Variants in RANGAP1 observed in about 807,000 individuals in gnomAD.
RANGAP1 encodes ran GTPase-activating protein 1.
Under a neutral mutation model 63.5 loss-of-function variants are expected in RANGAP1, and 38 were observed. The ratio of observed to expected loss-of-function variants is 0.60; its 90% CI spans 0.46 to 0.78. The LOEUF is 0.78. RANGAP1 is among the 30% of genes least tolerant of loss of function. RANGAP1 has a pLI of 0.00. For synonymous variants in RANGAP1, 329 were observed against 310.5 expected, an observed-to-expected ratio of 1.06 and a Z score of -0.63; for missense variants, 630 against 740.3, an observed-to-expected ratio of 0.85 and a Z score of 1.73.
At chr22:41,287,370 CGTTTTTTTTTT>C (rs917383577), upstream of RANGAP1, among the ~76,000 whole-genome samples, 5 of 79,478 alleles carry the variant, frequency 6.3e-5, no homozygotes, top group Admixed American at 2.8e-4. Flanking sequence ...ACACAAACAG[CGTTTTTTTTTT>C]GTTTTTTTTT....
upstream of RANGAP1, chr22:41,286,312 T>C (rs1601738502): frequency 6.6e-6 from 1 of 152,282 alleles, no homozygotes; most frequent in Non-Finnish European, 1.5e-5. Flanking sequence ...AGTAGTCCGG[T>C]TCCCCATCTG....
At chr22:41,269,102 T>C (rs933211439) in intron 3 of RANGAP1, among the ~76,000 whole-genome samples, 2 of 152,302 alleles carry the variant, frequency 1.3e-5, no homozygotes, top group Admixed American at 6.5e-5. Flanking sequence ...TTTTAAGAGA[T>C]AGGTTCTCAC....
chr22:41,290,923 G>A (rs1002368141), upstream of RANGAP1, among the ~76,000 whole-genome samples: 2 of 152,224 alleles, frequency 1.3e-5, no homozygotes, highest in African/African-American at 2.4e-5. Flanking sequence ...CTCGCCTGCA[G>A]CCCCTGGAGA....
In RANGAP1 at chr22:41,246,147, G is replaced by A. The variant is rs1371354172; in HGVS notation, c.*456C>T. ...GGCTTGGTGACGAGAAGCAGCCCCA[G>A]GCAGGGCAGGAAACAACCCAATCAC... On this transcript the variant is annotated 3_prime_UTR_variant, in exon 16 of 16. Transcript: ENST00000356244. The A allele has an allele frequency of 5.8e-6, 1 of 173,674 alleles. No homozygotes were observed. The highest frequency in any genetic ancestry group is 5.7e-5 in the Admixed American group (1 of 17,488). The allele number at this position is 173,674 out of a possible 1,614,324, so 10.8% of individuals were successfully genotyped here.
At chr22:41,284,153 A>G (rs1165793840) in intron 1 of RANGAP1, among the ~76,000 whole-genome samples, 1 of 152,094 alleles carries the variant, frequency 6.6e-6, no homozygotes, top group East Asian at 1.9e-4. Flanking sequence ...AGGCTGAGGC[A>G]AGAGAATGGC....
chr22:41,253,275 T>C (rs1489464463), intron 11 of RANGAP1, among the ~76,000 whole-genome samples: 2 of 152,168 alleles, frequency 1.3e-5, no homozygotes, highest in Non-Finnish European at 2.9e-5. Flanking sequence ...CGTCATGACA[T>C]GCAGTGCCCC....
chr22:41,293,123 T>C, the RANGAP1 span, among the ~76,000 whole-genome samples: 4 of 150,658 alleles, frequency 2.7e-5, no homozygotes, highest in Non-Finnish European at 5.9e-5. Flanking sequence ...TAGTCCCAGC[T>C]ACTTGGGAGG....
rs565495075 is a variant in RANGAP1, at chr22:41,254,436, C to T, written c.1132G>A (p.Glu378Lys). Residue 378 changes from glutamate (E) to lysine (K), a missense_variant, in exon 11 of 16, where the codon GAA (glutamate) becomes AAA (lysine). Physicochemically the swap from Glu to Lys is moderately conservative, Grantham distance 56. Transcript: ENST00000356244. ...EGEEEEEEAE[E>K]EEEEDEEEEE... ...TCTTCCTCATCTTCCTCCTCCTCTT[C>T]TTCTGCTTCCTCTTCTTCCTCTTCT... 3.7e-6 allele frequency: 6 copies of T among 1,612,204 alleles called. No homozygotes were observed. In the East Asian group the frequency reaches 1.3e-4, roughly 36 times the overall value.
At chr22:41,278,074 T>C (rs980676306) in intron 2 of RANGAP1, among the ~76,000 whole-genome samples, 3 of 150,372 alleles carry the variant, frequency 2.0e-5, no homozygotes, top group Non-Finnish European at 1.5e-5. Flanking sequence ...TCTCGTTCTG[T>C]CACCGAGGCT....
rs1393422674 is a variant in RANGAP1 at position 41,245,369 on chromosome 22, C to T, written c.*1234G>A. Among the ~76,000 whole-genome samples the T allele has an allele frequency of 1.3e-5, 2 of 152,192 alleles. No homozygotes were observed. Among genetic ancestry groups the T allele is most frequent in the African/African-American group, 2.4e-5 (1 of 41,446 alleles). On this transcript the variant is annotated 3_prime_UTR_variant, in exon 16 of 16. Coordinates refer to ENST00000356244, the MANE Select transcript of RANGAP1 (RefSeq NM_002883.4). ...GGTGGCTTCCATAGTGAAGGAGCAA[C>T]GCAGAAGCCAAGCGAGCTGCAGCCC...
rs772299863 is a variant in RANGAP1, at chr22:41,280,746, A to C, written c.112+187T>G. The C allele has an allele frequency of 9.2e-6, 14 of 1,521,364 alleles. No individual in the cohort carries two copies. In the African/African-American group the frequency reaches 1.8e-4, roughly 19 times the overall value. The allele number at this position is 1,521,364 out of a possible 1,614,324, so 94.2% of individuals were successfully genotyped here. On this transcript the variant is annotated intron_variant, in intron 2 of 15. Coordinates refer to ENST00000356244, the MANE Select transcript of RANGAP1 (RefSeq NM_002883.4). ...TGCCCAATACAAACATGGAAAGTGC[A>C]GGGGAGCTTGCTCCTGGGCAAATGA...
chr22:41,292,211 G>A, the RANGAP1 span, among the ~76,000 whole-genome samples: 3 of 151,708 alleles, frequency 2.0e-5, no homozygotes, highest in East Asian at 2.0e-4. Context: ...GTAATGGTGC[G>A]ATCTCGGCTC....
rs1386552779 is a variant in RANGAP1, at chr22:41,249,460, A to C, written c.1573-9T>G. 1.2e-6 allele frequency: 2 copies of C among 1,612,324 alleles called. No individual in the cohort carries two copies. Among genetic ancestry groups the C allele is most frequent in the Non-Finnish European group, 8.5e-7 (1 of 1,179,746 alleles). On this transcript the variant is annotated splice_polypyrimidine_tract_variant and intron_variant, in intron 14 of 15. Transcript: ENST00000356244. ...TTGACCTTGTCTTCACTCTGAGAGG[A>C]ACACAGCGAAAAGCGGGGTGAGCTT...
chr22:41,281,990 G>C (rs538525737), intron 1 of RANGAP1: 2 of 152,180 alleles, frequency 1.3e-5, no homozygotes, highest in Non-Finnish European at 2.9e-5. Context: ...AGGGTATGGT[G>C]GTGTGCACCA....
At chr22:41,293,760 CAAAAAAAAA>C in the RANGAP1 span, among the ~76,000 whole-genome samples, 1 of 54,860 alleles carries the variant, frequency 1.8e-5, no homozygotes, top group African/African-American at 5.8e-5. Context: ...GACTCTGTCT[CAAAAAAAAA>C]AAAAAAAAAA....
intron 1 of RANGAP1, chr22:41,285,050 G>A (rs1429364279): frequency 6.6e-6 from 1 of 152,136 alleles, no homozygotes; most frequent in Admixed American, 6.6e-5. Context: ...CCATGACTTG[G>A]GAGGTTGAGG....
chr22:41,274,435 C>T (rs1028868724), intron 3 of RANGAP1, among the ~76,000 whole-genome samples, 165 bp downstream of exon 3: 5 of 152,236 alleles, frequency 3.3e-5, no homozygotes, highest in African/African-American at 7.2e-5. Flanking sequence ...GAGAGGGTCC[C>T]TAGCCAATGC....
intron 6 of RANGAP1, among the ~76,000 whole-genome samples, chr22:41,259,303 G>A (rs1425822684): frequency 6.6e-6 from 1 of 152,050 alleles, no homozygotes; most frequent in Non-Finnish European, 1.5e-5. Context: ...GGGAGCGGGT[G>A]GTCCACAAAT....
rs768060599 is a variant in RANGAP1 at position 41,257,963 on chromosome 22, G to A, written c.759C>T (p.Ala253=). ...CTCGCCTCACCTCGGCCATGGCCAC[G>A]GCGCCCTTCTCAGTGAAGGTGTTGT... The part of the protein sequence containing the change: ...LNDNTFTEKG[A]VAMAETLKTL... Residue 253 remains alanine (A), a synonymous_variant, in exon 7 of 16, where the codon GCC becomes GCT. Coordinates refer to ENST00000356244, the MANE Select transcript of RANGAP1 (RefSeq NM_002883.4). This position sits in a 1 kb window ranked among gnomAD's most constrained non-coding sequence, Gnocchi z 4.0. 3.9e-5 allele frequency: 63 copies of A among 1,607,754 alleles called. 1 individual carries two copies. The highest frequency in any genetic ancestry group is 3.3e-4 in the Middle Eastern group (2 of 6,044).
Sources: allele counts gnomAD v4.1 joint callset (sites outside exome capture counted in the v4.1 genomes callset), GRCh38; gene constraint gnomAD v4.1.1; non-coding constraint Gnocchi (gnomAD v3.1); transcripts MANE v1.5; gene names NCBI Gene and HGNC (gene_info 2026-07-23, HGNC 2026-07-21).